GXYLT2: variants seen among roughly 807,000 people sequenced by gnomAD.
The protein encoded by GXYLT2 is glycosyltransferase 8 domain containing 4.
GXYLT2 carries 53 observed loss-of-function variants against 45.8 expected under a neutral mutation model. The observed-to-expected ratio is 1.16, with a 90% CI of 0.93 to 1.46. The LOEUF is 1.46. Ranked by LOEUF, GXYLT2 falls within the 40% of genes most tolerant of loss-of-function variation. The pLI, the probability that GXYLT2 is intolerant of heterozygous loss-of-function variation, is 0.00. For synonymous variants in GXYLT2, 219 were observed against 214.2 expected, an observed-to-expected ratio of 1.02 and a Z score of -0.19; for missense variants, 551 against 544.4, an observed-to-expected ratio of 1.01 and a Z score of -0.12.
At chr3:72,949,044 A>T (rs1340153738) in intron 3 of GXYLT2, among the ~76,000 whole-genome samples, 1 of 152,028 alleles carries the variant, frequency 6.6e-6, no homozygotes, top group Non-Finnish European at 1.5e-5. Context: ...TGACTTGCTG[A>T]GGATTGGATG....
At chr3:72,957,923 G>A (rs13060515) in intron 5 of GXYLT2, among the ~76,000 whole-genome samples, 11,121 of 152,198 alleles carry the variant, frequency 0.073, 435 homozygotes, top group Admixed American at 0.099. Flanking sequence ...ATATTAACAC[G>A]TAAAGCTAAT....
intron 3 of GXYLT2, among the ~76,000 whole-genome samples, chr3:72,945,482 A>C (rs1710386870): frequency 6.6e-6 from 1 of 152,136 alleles, no homozygotes; most frequent in Non-Finnish European, 1.5e-5. Context: ...TTCTAGTTAG[A>C]GGAGGCAAGC....
rs111799639 is a variant in GXYLT2, at chr3:72,891,735, G to A, written c.275+3227G>A. 4.7e-4 allele frequency among the ~76,000 whole-genome samples: 71 copies of A among 152,234 alleles called. 2 individuals carry two copies. The highest frequency in any genetic ancestry group is 1.6e-3 in the African/African-American group (66 of 41,542). On this transcript the variant is annotated intron_variant, in intron 1 of 6. Transcript: ENST00000389617. ...AGTCCATTGAAATGGTATAAAAAAT[G>A]AAAAGTCATAAAGAAGAGGGGTAAA...
At chr3:72,898,699 G>A (rs775074437) in intron 1 of GXYLT2, among the ~76,000 whole-genome samples, 1 of 152,032 alleles carries the variant, frequency 6.6e-6, no homozygotes, top group Admixed American at 6.6e-5. Context: ...CTTGCGTAGG[G>A]GCTTCATCTG....
intron 3 of GXYLT2, among the ~76,000 whole-genome samples, chr3:72,928,050 T>C (rs1709952754): frequency 6.6e-6 from 1 of 152,184 alleles, no homozygotes; most frequent in African/African-American, 2.4e-5. Flanking sequence ...TTCAGTCCCT[T>C]GCAAGGCTAC....
At position 72,933,714 on chromosome 3, in the gene GXYLT2, G is replaced by T. The variant is rs111457384; in HGVS notation, c.600+11379G>T. On this transcript the variant is annotated intron_variant, in intron 3 of 6. Coordinates refer to ENST00000389617, the MANE Select transcript of GXYLT2 (RefSeq NM_001080393.2). ...ACTTGAGCCCAGGAGTTCAAGACCA[G>T]CCTGAGCAACAAAGTGACACCCTGT... 9.2e-3 allele frequency among the ~76,000 whole-genome samples: 1,404 copies of T among 152,154 alleles called. 18 individuals carry two copies. The highest frequency in any genetic ancestry group is 0.033 in the African/African-American group (1,349 of 41,506).
intron 3 of GXYLT2, among the ~76,000 whole-genome samples, chr3:72,938,788 G>A (rs1710240447): frequency 6.6e-6 from 1 of 152,142 alleles, no homozygotes; most frequent in South Asian, 2.1e-4. Flanking sequence ...TCTAACAGTT[G>A]GCCACACAGC....
chr3:72,972,885 T>C (rs1711019745), intron 6 of GXYLT2, among the ~76,000 whole-genome samples: 2 of 151,694 alleles, frequency 1.3e-5, no homozygotes, highest in Admixed American at 6.6e-5. Flanking sequence ...TACAGTGAGC[T>C]AGGATGGCCC....
chr3:72,915,507 G>T (rs1709723988), intron 2 of GXYLT2, among the ~76,000 whole-genome samples: 1 of 151,990 alleles, frequency 6.6e-6, no homozygotes, highest in South Asian at 2.1e-4. Flanking sequence ...GTCTCAGGCA[G>T]CTGGTTCTAA....
At chr3:72,891,260 G>C (rs552881451) in intron 1 of GXYLT2, among the ~76,000 whole-genome samples, 2 of 152,120 alleles carry the variant, frequency 1.3e-5, no homozygotes, top group East Asian at 3.9e-4. Flanking sequence ...TTAGCTGAGA[G>C]CCTGGAGTTG....
intron 1 of GXYLT2, among the ~76,000 whole-genome samples, chr3:72,893,753 G>A (rs557279607): frequency 6.6e-6 from 1 of 152,172 alleles, no homozygotes; most frequent in South Asian, 2.1e-4. Flanking sequence ...ATACCCTTTC[G>A]AAGAATAGTG....
chr3:72,908,807 G>A (rs1370881087), intron 2 of GXYLT2, among the ~76,000 whole-genome samples: 5 of 151,948 alleles, frequency 3.3e-5, no homozygotes, highest in East Asian at 1.9e-4. Context: ...GTGCAATCTC[G>A]GCTCACTGCA....
chr3:72,966,378 A>G (rs1316993723), intron 5 of GXYLT2, among the ~76,000 whole-genome samples: 1 of 131,262 alleles, frequency 7.6e-6, no homozygotes, highest in African/African-American at 2.9e-5. Context: ...CCTCTTTTTT[A>G]GTTCTGTCCA....
At chr3:72,895,278 G>T (rs1709266991) in intron 1 of GXYLT2, among the ~76,000 whole-genome samples, 1 of 152,120 alleles carries the variant, frequency 6.6e-6, no homozygotes, top group East Asian at 1.9e-4. Flanking sequence ...GGGTTGGGGG[G>T]CAGCTCCCAA....
rs146255354 is a variant in GXYLT2, at chr3:72,941,107, G to A, written c.601-13991G>A. Reference sequence around the variant, plus strand: ...TCGCATGCACCAGAAGTACAGAGCCGTGAAGGTATAGGCCTCTTTCTGACC... The same window carrying A: ...TCGCATGCACCAGAAGTACAGAGCCATGAAGGTATAGGCCTCTTTCTGACC... On this transcript the variant is annotated intron_variant, in intron 3 of 6. Transcript: ENST00000389617. 5.3e-3 allele frequency among the ~76,000 whole-genome samples: 814 copies of A among 152,312 alleles called. 11 individuals are homozygous for A. Among genetic ancestry groups the A allele is most frequent in the African/African-American group, 0.018 (752 of 41,564 alleles).
chr3:72,914,578 C>T (rs907721276), intron 2 of GXYLT2, among the ~76,000 whole-genome samples: 1 of 151,794 alleles, frequency 6.6e-6, no homozygotes, highest in Non-Finnish European at 1.5e-5. Flanking sequence ...CATGTATATG[C>T]GCGTATGTGT....
At chr3:72,950,738 A>G (rs1020539188) in intron 3 of GXYLT2, among the ~76,000 whole-genome samples, 1 of 152,220 alleles carries the variant, frequency 6.6e-6, no homozygotes, top group African/African-American at 2.4e-5. Context: ...TTAACCACCA[A>G]GTCATACTGT....
At chr3:72,888,621 C>A in intron 1 of GXYLT2, 113 bp downstream of exon 1, 5 of 729,044 alleles carry the variant, frequency 6.9e-6, no homozygotes, top group Non-Finnish European at 8.6e-6. Flanking sequence ...AAGTTTCACC[C>A]ACGGGCTGCC....
At chr3:72,964,935 A>T (rs1240514742) in intron 5 of GXYLT2, among the ~76,000 whole-genome samples, 2 of 152,242 alleles carry the variant, frequency 1.3e-5, no homozygotes, top group Non-Finnish European at 2.9e-5. Flanking sequence ...GGCCAGGCAC[A>T]GTTCAAAAGC....
Sources: allele counts gnomAD v4.1 joint callset (sites outside exome capture counted in the v4.1 genomes callset), GRCh38; gene constraint gnomAD v4.1.1; transcripts MANE v1.5; gene names NCBI Gene and HGNC (gene_info 2026-07-23, HGNC 2026-07-21).